The following EIF3M variants were observed in gnomAD, a reference collection of about 807,000 sequenced individuals.
EIF3M encodes eukaryotic translation initiation factor 3 subunit M.
A neutral mutation model predicts 49.7 loss-of-function variants in EIF3M; 25 were observed. That is an observed-to-expected ratio of 0.50 (90% CI 0.37 to 0.70). EIF3M has a LOEUF of 0.70. Ranked by LOEUF, EIF3M falls within the 30% of genes least tolerant of loss-of-function variation. The pLI is 0.00. For missense variants in EIF3M, 350 were observed against 440.0 expected (o/e 0.80, Z 1.83); for synonymous variants, 156 against 149.8 (o/e 1.04, Z -0.30).
At chr11:32,593,766 C>T (rs969406277) in intron 5 of EIF3M, 100 bp from the exon 6 acceptor site, 8 of 714,460 alleles carry the variant, frequency 1.1e-5, no homozygotes, top group Middle Eastern at 2.7e-4. Context: ...TCTTAGTCAC[C>T]GTTATAATGT....
rs540642504 is a variant in EIF3M, at chr11:32,583,945, C to T, written c.42+16C>T. On this transcript the variant is annotated intron_variant, in intron 1 of 10. Coordinates refer to ENST00000531120, the MANE Select transcript of EIF3M (RefSeq NM_006360.6). Reference sequence around the variant, plus strand: ...AGAAGATCAGGTGTGCTTCGGTCTACGGGTGCCGCCACGGTGGGGTGGGGG... The same window carrying T: ...AGAAGATCAGGTGTGCTTCGGTCTATGGGTGCCGCCACGGTGGGGTGGGGG... 5.0e-6 allele frequency: 8 copies of T among 1,612,050 alleles called. No individual in the cohort carries two copies. In the South Asian group the frequency reaches 6.6e-5, roughly 13 times the overall value.
At chr11:32,600,928 A>G (rs1855252537) in intron 9 of EIF3M, 96 bp downstream of exon 9, 3 of 1,460,092 alleles carry the variant, frequency 2.1e-6, no homozygotes, top group Admixed American at 2.3e-5. Flanking sequence ...GCCTTACACA[A>G]CAAAGATTTG....
At position 32,600,800 on chromosome 11, in the gene EIF3M, G is replaced by GAGC. The variant is rs746226718; in HGVS notation, c.912_914dup (p.Ala305dup). The GAGC allele has an allele frequency of 6.2e-7, 1 of 1,609,340 alleles. No homozygotes were observed. Among genetic ancestry groups the GAGC allele is most frequent in the Non-Finnish European group, 8.5e-7 (1 of 1,177,596 alleles). On this transcript the variant is annotated inframe_insertion, in exon 9 of 11. Coordinates refer to ENST00000531120, the MANE Select transcript of EIF3M (RefSeq NM_006360.6). ...ACAATGCAGCAAGAACTTCAGATTG[G>GAGC]AGCTGATGATGTTGAAGCATTTGTT...
At chr11:32,590,413 A>G (rs1365841964) in intron 5 of EIF3M, among the ~76,000 whole-genome samples, 1 of 152,212 alleles carries the variant, frequency 6.6e-6, no homozygotes, top group Non-Finnish European at 1.5e-5. Flanking sequence ...TAGTCTTACT[A>G]TAGTCAGCTT....
In EIF3M at chr11:32,602,730, A is replaced by C. The variant is rs1456753808; in HGVS notation, c.*331A>C. On this transcript the variant is annotated 3_prime_UTR_variant, in exon 11 of 11. Coordinates refer to ENST00000531120, the MANE Select transcript of EIF3M (RefSeq NM_006360.6). The stretch of plus-strand genomic sequence containing the variant: ...GCAAAGACAAACTGTAGAGCTTTAA[A>C]TACAACAGTCATTTTATTCTAGTAA... 1.3e-5 allele frequency: 14 copies of C among 1,107,058 alleles called. No individual in the cohort carries two copies. In the East Asian group the frequency reaches 3.3e-4, roughly 26 times the overall value. 68.6% of individuals were successfully genotyped at this position (1,107,058 alleles called of 1,614,324 possible). A position where few individuals can be genotyped will look rare whatever the true frequency, so the allele number is the denominator to read the frequency against.
Position 32,589,021 on chromosome 11 carries a change from C to G in EIF3M, c.324C>G (p.Asn108Lys), listed in dbSNP as rs759393884. ...RPSLRLQLLSNLFHGMDKNTP... is the reference protein window; with the variant it reads ...RPSLRLQLLSKLFHGMDKNTP... Reference sequence around the variant, plus strand: ...TTTGTTAACCAACCAGGTTAAGCAACCTTTTCCACGGGATGGATAAGAATA... The same window carrying G: ...TTTGTTAACCAACCAGGTTAAGCAAGCTTTTCCACGGGATGGATAAGAATA... The change falls in exon 4 of 11, where the codon AAC becomes AAG. Residue 108 changes from asparagine (N) to lysine (K), a missense_variant. Transcript: ENST00000531120. The G allele has an allele frequency of 6.2e-7, 1 of 1,613,718 alleles. No homozygotes were observed.
In EIF3M at chr11:32,583,837, C is replaced by G; in HGVS notation, c.-51C>G. 3.1e-6 allele frequency: 5 copies of G among 1,599,022 alleles called. No homozygotes were observed. Among genetic ancestry groups the G allele is most frequent in the Non-Finnish European group, 4.3e-6 (5 of 1,170,064 alleles). ...CGTCGCGCGGCCCAGTTCCCTTTTCCGGTCGGCGTGGTCTTGCGAGTGGAG... is the reference window on the plus strand; with the variant it reads ...CGTCGCGCGGCCCAGTTCCCTTTTCGGGTCGGCGTGGTCTTGCGAGTGGAG... On this transcript the variant is annotated 5_prime_UTR_variant, in exon 1 of 11. Transcript: ENST00000531120.
chr11:32,598,414 T>C (rs948033235), intron 8 of EIF3M, among the ~76,000 whole-genome samples: 6 of 152,184 alleles, frequency 3.9e-5, no homozygotes, highest in African/African-American at 1.4e-4. Context: ...AATTGAAATA[T>C]GACACAGTAC....
rs1046965012 is a variant in EIF3M, at chr11:32,588,664, G to T, written c.246G>T (p.Leu82Phe). ...LILEPDKQEA[L>F]IESLCEKLVK... is the part of the protein sequence containing the mutation. ...TGGAACCAGACAAGCAAGAAGCTTT[G>T]ATTGAAAGCCTATGTGAAAAGCTGG... Residue 82 changes from leucine (L) to phenylalanine (F), a missense_variant, in exon 3 of 11, where the codon TTG becomes TTT. By Grantham distance (22) the Leu-to-Phe change is conservative (BLOSUM62 0). Transcript: ENST00000531120. The T allele has an allele frequency of 1.9e-6, 3 of 1,614,202 alleles. No homozygotes were observed. Among genetic ancestry groups the T allele is most frequent in the Non-Finnish European group, 2.5e-6 (3 of 1,180,032 alleles).
intron 1 of EIF3M, among the ~76,000 whole-genome samples, chr11:32,585,958 G>A (rs1458677274): frequency 2.6e-5 from 4 of 152,120 alleles, no homozygotes; most frequent in Non-Finnish European, 4.4e-5. Flanking sequence ...GGCTGAGCAC[G>A]GTGGCTCACG....
chr11:32,587,486 G>A (rs1335444010), intron 2 of EIF3M, among the ~76,000 whole-genome samples: 2 of 152,162 alleles, frequency 1.3e-5, no homozygotes, highest in Non-Finnish European at 2.9e-5. Context: ...TTGTTAACCA[G>A]AGTCTAAGCA....
Position 32,598,923 on chromosome 11 carries a change from A to G in EIF3M, c.800-1766A>G, listed in dbSNP as rs145867994. On this transcript the variant is annotated intron_variant, in intron 8 of 10. Coordinates refer to ENST00000531120, the MANE Select transcript of EIF3M (RefSeq NM_006360.6). ...AATTTATTGTGCCAGCTAGAATTCAAATTCCTTCATTTGCCTTACGTTTCT... is the reference window on the plus strand; with the variant it reads ...AATTTATTGTGCCAGCTAGAATTCAGATTCCTTCATTTGCCTTACGTTTCT... Among the ~76,000 whole-genome samples, 1,083 of 152,226 alleles carry G rather than the reference A, an allele frequency of 7.1e-3. 17 individuals carry two copies. The highest frequency in any genetic ancestry group is 0.025 in the African/African-American group (1,044 of 41,568).
intron 9 of EIF3M, chr11:32,601,040 T>A: frequency 2.1e-6 from 1 of 468,576 alleles, no homozygotes. Context: ...TGAAATCACG[T>A]AGAACAAAGA....
intron 5 of EIF3M, chr11:32,592,106 T>G (rs1490802721): frequency 1.3e-5 from 4 of 303,282 alleles, no homozygotes; most frequent in Non-Finnish European, 2.6e-5. Flanking sequence ...CATAACTACT[T>G]CTGCTGCCAC....
In EIF3M at chr11:32,602,754, A is replaced by C; in HGVS notation, c.*355A>C. 1 of 1,270,620 alleles carries C rather than the reference A, an allele frequency of 7.9e-7. No homozygotes were observed. Among genetic ancestry groups the C allele is most frequent in the East Asian group, 2.5e-5 (1 of 39,776 alleles). 78.7% of individuals were successfully genotyped at this position (1,270,620 alleles called of 1,614,324 possible). On this transcript the variant is annotated 3_prime_UTR_variant, in exon 11 of 11. Transcript: ENST00000531120. ...AATACAACAGTCATTTTATTCTAGT[A>C]AAAACTATACCAGAATTTCAGTTAC...
In EIF3M at chr11:32,603,258, A is replaced by G. The variant is rs1001960059; in HGVS notation, c.*859A>G. 10 of 382,608 alleles carry G rather than the reference A, an allele frequency of 2.6e-5. No individual in the cohort carries two copies. Among genetic ancestry groups the G allele is most frequent in the South Asian group, 7.2e-5 (1 of 13,902 alleles). The allele number at this position is 382,608 out of a possible 1,614,324, so 23.7% of individuals were successfully genotyped here. On this transcript the variant is annotated 3_prime_UTR_variant, in exon 11 of 11. Coordinates refer to ENST00000531120, the MANE Select transcript of EIF3M (RefSeq NM_006360.6). ...AAGTGTACAAAAACTGCCTTTTACT[A>G]CTTCATGTTTCCTCCCATGCTTCAG...
chr11:32,602,139 T>C, intron 10 of EIF3M, 140 bp from the exon 11 acceptor site: 2 of 1,252,018 alleles, frequency 1.6e-6, no homozygotes, highest in Non-Finnish European at 2.2e-6. Context: ...TAAATAATTA[T>C]GTAATTCTTA....
chr11:32,595,403 T>C (rs1855164631), intron 7 of EIF3M, among the ~76,000 whole-genome samples: 2 of 152,184 alleles, frequency 1.3e-5, no homozygotes, highest in South Asian at 4.1e-4. Context: ...CTAATTTTTG[T>C]ATTTTTAGTA....
At chr11:32,588,804 G>T in intron 3 of EIF3M, 72 bp downstream of exon 3, 1 of 1,592,634 alleles carries the variant, frequency 6.3e-7, no homozygotes, top group Non-Finnish European at 8.6e-7. Context: ...TAATGGTGCA[G>T]AGCAGGAATT....
Sources: allele counts gnomAD v4.1 joint callset (sites outside exome capture counted in the v4.1 genomes callset), GRCh38; gene constraint gnomAD v4.1.1; transcripts MANE v1.5; gene names NCBI Gene and HGNC (gene_info 2026-07-23, HGNC 2026-07-21).